The following KIF23 variants were observed in gnomAD, a reference collection of about 807,000 sequenced individuals.
KIF23 encodes kinesin family member 23.
Under a neutral mutation model 137.5 loss-of-function variants are expected in KIF23, and 30 were observed. That is an observed-to-expected ratio of 0.22 (90% CI 0.16 to 0.30). KIF23 has a LOEUF of 0.30. Among genes scored for constraint, KIF23 ranks in the 10% least tolerant of loss-of-function variants. The pLI, the probability that KIF23 is intolerant of heterozygous loss-of-function variation, is 1.00. For missense variants in KIF23, 920 were observed against 1,194.3 expected, an observed-to-expected ratio of 0.77 and a Z score of 3.38; for synonymous variants, 367 against 391.1, an observed-to-expected ratio of 0.94 and a Z score of 0.73.
At chr15:69,418,604 T>C (rs1053931573) in intron 3 of KIF23, among the ~76,000 whole-genome samples, 6 of 152,186 alleles carry the variant, frequency 3.9e-5, no homozygotes, top group Non-Finnish European at 7.3e-5. Flanking sequence ...TGTCCTTTCA[T>C]TTCCATCTCC....
rs1211364850 is a variant in KIF23, at chr15:69,447,917, A to G, written c.*110A>G. 64 of 1,148,874 alleles carry G rather than the reference A, an allele frequency of 5.6e-5. No individual in the cohort carries two copies. Among genetic ancestry groups the G allele is most frequent in the Non-Finnish European group, 8.0e-5 (62 of 775,078 alleles). The allele number at this position is 1,148,874 out of a possible 1,614,324, so 71.2% of individuals were successfully genotyped here. On this transcript the variant is annotated 3_prime_UTR_variant, in exon 24 of 24. Transcript: ENST00000679126. ...TCTTGTAGAACTCCAGCTTTGTTGA[A>G]AATCACGGACCTCAGCTACATCATA...
intron 11 of KIF23, 148 bp downstream of exon 11, chr15:69,429,361 G>A (rs1316322228): frequency 3.2e-6 from 2 of 624,316 alleles, no homozygotes; most frequent in Non-Finnish European, 5.6e-6. Context: ...ATGGAATGCA[G>A]TGGTGTGATC....
rs2057701963 is a variant in KIF23 at position 69,444,550 on chromosome 15, AT to A, written c.2422-234del. 1 of 464,876 alleles carries A rather than the reference AT, an allele frequency of 2.2e-6. No homozygotes were observed. The highest frequency in any genetic ancestry group is 3.8e-6 in the Non-Finnish European group (1 of 263,326). 28.8% of individuals were successfully genotyped at this position (464,876 alleles called of 1,614,324 possible). ...AGGAAAGACTTGCAGCATTACCAGA[AT>A]TTTTTCTTTTATCCTTTATTGAAAG... is the stretch of plus-strand genomic sequence containing the variant. On this transcript the variant is annotated intron_variant, in intron 19 of 23. Coordinates refer to ENST00000679126, the MANE Select transcript of KIF23 (RefSeq NM_001367805.3). This position sits in a 1 kb window ranked among gnomAD's most constrained non-coding sequence, Gnocchi z 4.2.
intron 16 of KIF23, among the ~76,000 whole-genome samples, chr15:69,439,221 G>T (rs2057555037): frequency 6.6e-6 from 1 of 152,070 alleles, no homozygotes; most frequent in Non-Finnish European, 1.5e-5. Flanking sequence ...CAGTTGAAAA[G>T]GATGTTCTCT....
intron 11 of KIF23, 97 bp from the exon 12 acceptor site, chr15:69,435,386 G>T: frequency 1.1e-6 from 1 of 886,480 alleles, no homozygotes; most frequent in Non-Finnish European, 1.7e-6. Context: ...TTTCTATCTA[G>T]TAGTTGTTTG....
chr15:69,435,026 T>TC (rs1208026360), intron 11 of KIF23: 2 of 580,370 alleles, frequency 3.4e-6, no homozygotes, highest in African/African-American at 3.7e-5. Context: ...CGTTGGCATC[T>TC]CCCTGGTGTG....
chr15:69,419,406 T>C (rs2056996559), intron 3 of KIF23, among the ~76,000 whole-genome samples: 1 of 152,256 alleles, frequency 6.6e-6, no homozygotes, highest in Non-Finnish European at 1.5e-5. Context: ...CATCTGTCTC[T>C]CCACCTTCAT....
At position 69,414,393 on chromosome 15, in the gene KIF23, G is replaced by T. The variant is rs1474744989; in HGVS notation, c.-73G>T. 5 of 1,547,054 alleles carry T rather than the reference G, an allele frequency of 3.2e-6. No homozygotes were observed. The African/African-American group carries it at 4.1e-5, about 13-fold the overall frequency. The stretch of plus-strand genomic sequence containing the variant: ...CCGCGAAGTTCTAGTTCTTGCTGCC[G>T]GTCCTAACGTCCCGCAGTCTTCGCC... On this transcript the variant is annotated 5_prime_UTR_variant, in exon 1 of 24. Coordinates refer to ENST00000679126, the MANE Select transcript of KIF23 (RefSeq NM_001367805.3).
At chr15:69,437,444 T>G (rs1210870304) in intron 15 of KIF23, among the ~76,000 whole-genome samples, 1 of 150,822 alleles carries the variant, frequency 6.6e-6, no homozygotes, top group Non-Finnish European at 1.5e-5. Context: ...TCTCAGTGAA[T>G]GAATGTATCT....
chr15:69,436,660 T>G lies in KIF23; in HGVS notation c.1535T>G (p.Ile512Ser). 6.2e-7 allele frequency: 1 copy of G among 1,610,352 alleles called. No individual in the cohort carries two copies. The highest frequency in any genetic ancestry group is 1.3e-5 in the African/African-American group (1 of 75,016). Residue 512 changes from isoleucine (I) to serine (S), a missense_variant, in exon 15 of 24, where the codon ATT becomes AGT. Around this residue, in one of 4 missense-constraint regions of KIF23, gnomAD observed 714 missense variants for 866.2 expected, o/e 0.82. Coordinates refer to ENST00000679126, the MANE Select transcript of KIF23 (RefSeq NM_001367805.3). ...INDEQTLPRL[I>S]EALEKRHNLR... ...GATGAGCAGACACTTCCAAGGCTGA[T>G]TGAAGCCTTAGAGAAACGACATAAC... is the stretch of plus-strand genomic sequence containing the variant.
chr15:69,419,049 G>A (rs779495044), intron 3 of KIF23, among the ~76,000 whole-genome samples: 3 of 152,104 alleles, frequency 2.0e-5, no homozygotes, highest in East Asian at 1.9e-4. Context: ...CCCAGGAGGC[G>A]GAGGTTGCAG....
At chr15:69,436,316 T>G (rs1214688812) in intron 14 of KIF23, 55 bp downstream of exon 14, 1 of 1,555,074 alleles carries the variant, frequency 6.4e-7, no homozygotes, top group Non-Finnish European at 8.7e-7. Flanking sequence ...GTTTCTCTCT[T>G]TTTTAAAAAA....
At chr15:69,434,106 G>A (rs1310152401) in intron 11 of KIF23, among the ~76,000 whole-genome samples, 1 of 152,180 alleles carries the variant, frequency 6.6e-6, no homozygotes, top group East Asian at 1.9e-4. Context: ...GGGAAACACT[G>A]ATCTGGAACA....
chr15:69,423,374 A>G, intron 7 of KIF23, 45 bp downstream of exon 7: 4 of 1,338,774 alleles, frequency 3.0e-6, no homozygotes, highest in Non-Finnish European at 4.0e-6. Context: ...ATGTTGGGGA[A>G]GTTACTTTGC....
intron 19 of KIF23, among the ~76,000 whole-genome samples, chr15:69,442,024 G>A (rs111774425): frequency 0.01 from 1,571 of 152,160 alleles, 23 homozygotes; most frequent in African/African-American, 0.035. Context: ...GGCCTCCAAA[G>A]GTGCTGAGAT....
intron 13 of KIF23, 26 bp from the exon 14 acceptor site, chr15:69,436,112 T>A (rs776252990): frequency 9.4e-6 from 15 of 1,595,382 alleles, no homozygotes; most frequent in Admixed American, 5.6e-5. Context: ...TATTTTTTTT[T>A]AAACTCCATT....
At position 69,421,693 on chromosome 15, in the gene KIF23, A is replaced by G. The variant is rs751196574; in HGVS notation, c.257A>G (p.Lys86Arg). The G allele has an allele frequency of 4.3e-6, 7 of 1,613,774 alleles. No individual in the cohort carries two copies. The African/African-American group carries it at 8.0e-5, about 18-fold the overall frequency. The stretch of plus-strand genomic sequence containing the variant: ...GTATTTGGCACTCACACCACCCAGA[A>G]GGAACTCTTTGATGTTGTGGCTAAT... ...KQVFGTHTTQKELFDVVANPL... is the reference protein window; with the variant it reads ...KQVFGTHTTQRELFDVVANPL... The change falls in exon 4 of 24, where the codon AAG becomes AGG. Residue 86 changes from lysine (K) to arginine (R), a missense_variant. Lys to Arg is a conservative substitution (Grantham distance 26). Transcript: ENST00000679126.
chr15:69,420,283 C>A (rs955093330), intron 3 of KIF23, among the ~76,000 whole-genome samples: 7 of 151,734 alleles, frequency 4.6e-5, no homozygotes, highest in African/African-American at 1.7e-4. Flanking sequence ...AAGAAGAAAA[C>A]AAAAACATTG....
At chr15:69,414,658 C>A in intron 1 of KIF23, 182 bp downstream of exon 1, 1 of 617,508 alleles carries the variant, frequency 1.6e-6, no homozygotes, top group Non-Finnish European at 2.4e-6. Flanking sequence ...TCCGCGGGAG[C>A]CTGGGCGCGG....
Sources: gnomAD v4.1 joint callset for allele counts (sites outside exome capture counted in the v4.1 genomes callset) on GRCh38, gnomAD v4.1.1 for gene constraint, gnomAD v4.1.1 regional missense constraint, Gnocchi (gnomAD v3.1) non-coding constraint, MANE v1.5 for transcripts, NCBI Gene and HGNC (gene_info 2026-07-23, HGNC 2026-07-21) for gene names.